The following LRCH1 variants were observed in gnomAD, a reference collection of about 807,000 sequenced individuals.
The protein encoded by LRCH1 is leucine-rich repeat and calponin homology domain-containing protein 1.
Under a neutral mutation model 94.9 loss-of-function variants are expected in LRCH1, and 23 were observed. The observed-to-expected ratio is 0.24, with a 90% CI of 0.17 to 0.34. The LOEUF is 0.34. Among genes scored for constraint, LRCH1 ranks in the 10% least tolerant of loss-of-function variants. LRCH1 has a pLI of 1.00. For missense variants in LRCH1, 790 were observed against 945.9 expected (o/e 0.84, Z 2.16); for synonymous variants, 364 against 354.9 (o/e 1.03, Z -0.29).
chr13:46,703,054 C>T (rs543805604), intron 11 of LRCH1, among the ~76,000 whole-genome samples: 2 of 152,218 alleles, frequency 1.3e-5, no homozygotes, highest in East Asian at 3.9e-4. Flanking sequence ...GCATAGGCAC[C>T]TAATCAAGGT....
chr13:46,609,008 A>T (rs1421509345), intron 1 of LRCH1, among the ~76,000 whole-genome samples: 2 of 152,158 alleles, frequency 1.3e-5, no homozygotes, highest in Non-Finnish European at 2.9e-5. Flanking sequence ...CCCGAGCTGT[A>T]TGGCACCCTT....
Position 46,553,343 on chromosome 13 carries a change from C to A in LRCH1, c.-54C>A. On this transcript the variant is annotated 5_prime_UTR_variant, in exon 1 of 20. Coordinates refer to ENST00000389797, the MANE Select transcript of LRCH1 (RefSeq NM_001164211.2). ...GCTGCCGTTTTCCCCTCGCGGGGAA[C>A]GCTGTGACCCCCCCGCAGGAGCGGC... 7.0e-7 allele frequency: 1 copy of A among 1,424,662 alleles called. No individual in the cohort carries two copies. Among genetic ancestry groups the A allele is most frequent in the East Asian group, 2.5e-5 (1 of 40,246 alleles). 88.3% of individuals were successfully genotyped at this position (1,424,662 alleles called of 1,614,324 possible).
chr13:46,664,578 T>G (rs757398250), intron 2 of LRCH1, among the ~76,000 whole-genome samples: 1 of 152,168 alleles, frequency 6.6e-6, no homozygotes, highest in Non-Finnish European at 1.5e-5. Context: ...TTCTGTGATA[T>G]TCACACAATA....
chr13:46,681,637 T>C, intron 3 of LRCH1, 104 bp from the exon 4 acceptor site: 1 of 767,166 alleles, frequency 1.3e-6, no homozygotes, highest in Non-Finnish European at 2.3e-6. Flanking sequence ...AAAGTGTACC[T>C]GTGTAGTTGT....
rs2050614359 is a variant in LRCH1 at position 46,600,406 on chromosome 13, A to T, written c.307+46703A>T. Among the ~76,000 whole-genome samples the T allele has an allele frequency of 2.6e-5, 4 of 152,290 alleles. No individual in the cohort carries two copies. In the South Asian group the frequency reaches 6.2e-4, roughly 24 times the overall value. ...TAACAGAGTTAGGGTCAAGACTGTG[A>T]ACCGTATGGTCAGTCCTTCTAAGGA... is the stretch of plus-strand genomic sequence containing the variant. On this transcript the variant is annotated intron_variant, in intron 1 of 19. Transcript: ENST00000389797.
chr13:46,615,134 CA>C (rs904284837), intron 1 of LRCH1, among the ~76,000 whole-genome samples: 43 of 152,228 alleles, frequency 2.8e-4, no homozygotes, highest in African/African-American at 9.4e-4. Context: ...TTCTGTGTTG[CA>C]ATAAAGGAAT....
intron 2 of LRCH1, among the ~76,000 whole-genome samples, chr13:46,663,523 C>T (rs748039981): frequency 5.9e-5 from 9 of 152,156 alleles, no homozygotes; most frequent in Non-Finnish European, 1.3e-4. Flanking sequence ...GGATATTGTT[C>T]ACTGCTGTGT....
intron 1 of LRCH1, among the ~76,000 whole-genome samples, chr13:46,632,496 T>C (rs765115284): frequency 6.6e-6 from 1 of 152,232 alleles, no homozygotes; most frequent in Non-Finnish European, 1.5e-5. Flanking sequence ...GAGACTAATA[T>C]ACAGTTTGAA....
intron 1 of LRCH1, among the ~76,000 whole-genome samples, chr13:46,598,132 T>G (rs1244564196): frequency 2.6e-5 from 4 of 152,064 alleles, no homozygotes. Context: ...AATACAAAAA[T>G]TAGCCGGTCA....
chr13:46,677,725 T>C (rs2051697196), intron 3 of LRCH1, among the ~76,000 whole-genome samples: 1 of 152,224 alleles, frequency 6.6e-6, no homozygotes, highest in Admixed American at 6.5e-5. Context: ...AAGTATGTGT[T>C]AAGTCACAGT....
intron 9 of LRCH1, among the ~76,000 whole-genome samples, chr13:46,696,817 C>T (rs986395173): frequency 6.6e-6 from 1 of 152,164 alleles, no homozygotes; most frequent in African/African-American, 2.4e-5. Context: ...CACCTGTAAT[C>T]CCCCACTTTG....
At chr13:46,584,544 A>G (rs925886157) in intron 1 of LRCH1, among the ~76,000 whole-genome samples, 10 of 152,156 alleles carry the variant, frequency 6.6e-5, no homozygotes, top group African/African-American at 2.4e-4. Flanking sequence ...ATAGCTTGTG[A>G]TGTTGATGTT....
intron 1 of LRCH1, among the ~76,000 whole-genome samples, chr13:46,592,163 G>A (rs919366060): frequency 2.0e-5 from 3 of 152,160 alleles, no homozygotes; most frequent in Admixed American, 6.5e-5. Flanking sequence ...ACGGCGCCTC[G>A]TGGAGGACTC....
At chr13:46,605,355 T>C (rs1477152587) in intron 1 of LRCH1, among the ~76,000 whole-genome samples, 1 of 152,238 alleles carries the variant, frequency 6.6e-6, no homozygotes, top group Non-Finnish European at 1.5e-5. Context: ...CTACTTTATA[T>C]ATTTATTTTA....
At chr13:46,681,266 A>G (rs1410348415) in intron 3 of LRCH1, among the ~76,000 whole-genome samples, 1 of 152,242 alleles carries the variant, frequency 6.6e-6, no homozygotes, top group Non-Finnish European at 1.5e-5. Context: ...GTTTGGTAAA[A>G]TAAGATGCAT....
intron 15 of LRCH1, among the ~76,000 whole-genome samples, chr13:46,715,012 T>G (rs1027248870): frequency 1.3e-5 from 2 of 152,170 alleles, no homozygotes; most frequent in Non-Finnish European, 2.9e-5. Context: ...GACCTACAGG[T>G]GTCTTTAAAA....
intron 7 of LRCH1, among the ~76,000 whole-genome samples, chr13:46,690,699 A>G (rs1870850829): frequency 6.6e-6 from 1 of 152,240 alleles, no homozygotes; most frequent in African/African-American, 2.4e-5. Context: ...AATGAAATGC[A>G]CACATCTTGC....
At chr13:46,715,512 T>C (rs1303638847) in intron 15 of LRCH1, 48 bp from the exon 16 acceptor site, 3 of 1,115,072 alleles carry the variant, frequency 2.7e-6, no homozygotes, top group Non-Finnish European at 3.9e-6. Context: ...TGGTTTTTCC[T>C]GGTCCTTGTG....
intron 1 of LRCH1, among the ~76,000 whole-genome samples, chr13:46,564,129 G>A (rs1055775915): frequency 1.3e-5 from 2 of 152,238 alleles, no homozygotes; most frequent in African/African-American, 4.8e-5. Flanking sequence ...ACTGCATGTG[G>A]TTTGAGGGAC....
Sources: gnomAD v4.1 joint callset for allele counts (sites outside exome capture counted in the v4.1 genomes callset) on GRCh38, gnomAD v4.1.1 for gene constraint, MANE v1.5 for transcripts, NCBI Gene and HGNC (gene_info 2026-07-23, HGNC 2026-07-21) for gene names.